TNPO1: variants seen among roughly 807,000 people sequenced by gnomAD.
TNPO1 encodes the protein transportin-1.
In TNPO1, 8 loss-of-function variants were observed where a neutral mutation model predicts 119.5. The ratio of observed to expected loss-of-function variants is 0.07; its 90% confidence interval spans 0.04 to 0.12. The LOEUF is 0.12. Ranked by LOEUF, TNPO1 falls within the 10% of genes least tolerant of loss-of-function variation. The probability of loss-of-function intolerance (pLI) is 1.00; values close to 1 mark genes in which losing one functional copy is unlikely to be tolerated. For synonymous variants in TNPO1, 362 were observed against 363.0 expected, an observed-to-expected ratio of 1.00 and a Z score of 0.03; for missense variants, 576 against 1,089.8, an observed-to-expected ratio of 0.53 and a Z score of 6.64.
chr5:72,905,212 T>TAA (rs150320545), intron 23 of TNPO1, 91 bp from the exon 24 acceptor site: 155 of 944,012 alleles, frequency 1.6e-4, no homozygotes, highest in African/African-American at 7.2e-4. Flanking sequence ...ATAAAATTTA[T>TAA]AAAAAAATCA....
rs1184844796 is a variant in TNPO1 at position 72,816,671 on chromosome 5, C to T, written c.-67C>T. The T allele has an allele frequency of 1.3e-6, 2 of 1,496,390 alleles. No individual in the cohort carries two copies. The highest frequency in any genetic ancestry group is 2.5e-5 in the South Asian group (2 of 79,028). The allele number at this position is 1,496,390 out of a possible 1,614,324, so 92.7% of individuals were successfully genotyped here. On this transcript the variant is annotated 5_prime_UTR_variant, in exon 1 of 25. Transcript: ENST00000337273. ...GCCCAGATTCTCTTTGTTCCGCAGC[C>T]ATTTCAGGCCCCGGACAGGAGGCAG...
chr5:72,907,992 T>G (rs1750291052), intron 24 of TNPO1, among the ~76,000 whole-genome samples: 1 of 152,134 alleles, frequency 6.6e-6, no homozygotes, highest in South Asian at 2.1e-4. Flanking sequence ...GGTTGGGGCT[T>G]CAGTGAGCCA....
In TNPO1 at chr5:72,909,141, A is replaced by AT. The variant is rs1750383130; in HGVS notation, c.*468_*469insT. The AT allele has an allele frequency of 6.5e-6, 1 of 152,834 alleles. No individual in the cohort carries two copies. The highest frequency in any genetic ancestry group is 1.5e-5 in the Non-Finnish European group (1 of 68,568). 9.5% of individuals were successfully genotyped at this position (152,834 alleles called of 1,614,324 possible). A position where few individuals can be genotyped will look rare whatever the true frequency, so the allele number is the denominator to read the frequency against. On this transcript the variant is annotated 3_prime_UTR_variant, in exon 25 of 25. Coordinates refer to ENST00000337273, the MANE Select transcript of TNPO1 (RefSeq NM_002270.4). ...GAAGCTTTTTTTTTTTTTTTAATTT[A>AT]AAGTTTTTTTATGTAAGTTTTCCCA...
chr5:72,816,827 G>C, intron 1 of TNPO1, 75 bp downstream of exon 1: 1 of 1,504,172 alleles, frequency 6.6e-7, no homozygotes, highest in South Asian at 1.2e-5. Context: ...GCTGCCTGAC[G>C]CGCCTACGGG....
chr5:72,888,413 A>T, intron 13 of TNPO1, 110 bp downstream of exon 13: 1 of 955,132 alleles, frequency 1.0e-6, no homozygotes, highest in Non-Finnish European at 1.5e-6. Flanking sequence ...CGTAATTGAA[A>T]ATTTTCCAGT....
chr5:72,903,542 G>A (rs981068053), intron 22 of TNPO1, among the ~76,000 whole-genome samples, 167 bp from the exon 23 acceptor site: 11 of 152,166 alleles, frequency 7.2e-5, no homozygotes, highest in African/African-American at 2.7e-4. Flanking sequence ...AATAGGGACA[G>A]CCATTAAGGT....
chr5:72,894,202 A>G (rs1749255686), intron 18 of TNPO1, among the ~76,000 whole-genome samples: 1 of 152,194 alleles, frequency 6.6e-6, no homozygotes, highest in South Asian at 2.1e-4. Context: ...CAGGCAGATC[A>G]CTTGAGGTCA....
chr5:72,902,136 T>C (rs1212132930), intron 22 of TNPO1, among the ~76,000 whole-genome samples: 4 of 152,016 alleles, frequency 2.6e-5, no homozygotes, highest in African/African-American at 9.7e-5. Flanking sequence ...TTTCCAGGAA[T>C]GCACACAAGA....
At chr5:72,866,072 T>G (rs1193261918) in intron 6 of TNPO1, among the ~76,000 whole-genome samples, 1 of 152,228 alleles carries the variant, frequency 6.6e-6, no homozygotes, top group Non-Finnish European at 1.5e-5. Flanking sequence ...GCTTTGATTT[T>G]AGAATCGGGA....
intron 6 of TNPO1, among the ~76,000 whole-genome samples, chr5:72,870,615 T>A (rs1475458386): frequency 6.6e-6 from 1 of 152,236 alleles, no homozygotes; most frequent in Non-Finnish European, 1.5e-5. Flanking sequence ...CCTTCATTGC[T>A]GATGTATAGA....
chr5:72,873,296 A>G (rs1747539489), intron 7 of TNPO1, among the ~76,000 whole-genome samples: 2 of 152,170 alleles, frequency 1.3e-5, no homozygotes, highest in African/African-American at 4.8e-5. Context: ...GCTACTTGAT[A>G]ACAATTAAAA....
intron 3 of TNPO1, among the ~76,000 whole-genome samples, chr5:72,853,936 G>T (rs569214136): frequency 6.6e-6 from 1 of 152,106 alleles, no homozygotes; most frequent in Non-Finnish European, 1.5e-5. Context: ...AAAGGAAATC[G>T]TTAGTCGTTG....
At chr5:72,830,734 C>A (rs755114734) in intron 1 of TNPO1, among the ~76,000 whole-genome samples, 2 of 152,076 alleles carry the variant, frequency 1.3e-5, no homozygotes, top group Non-Finnish European at 2.9e-5. Flanking sequence ...ATTGAGGTAT[C>A]GTTTCATGTG....
At chr5:72,894,906 T>C (rs748665345) in intron 18 of TNPO1, among the ~76,000 whole-genome samples, 6 of 152,198 alleles carry the variant, frequency 3.9e-5, no homozygotes, top group African/African-American at 4.8e-5. Flanking sequence ...TTGAAACTTA[T>C]ATGAAAGGAT....
intron 6 of TNPO1, among the ~76,000 whole-genome samples, chr5:72,868,735 C>CT (rs1336940372): frequency 3.3e-5 from 5 of 151,592 alleles, no homozygotes; most frequent in Non-Finnish European, 7.4e-5. Context: ...AGGCTTTTTT[C>CT]TTTTTTTAAC....
intron 13 of TNPO1, among the ~76,000 whole-genome samples, chr5:72,888,676 T>C (rs150555083): frequency 2.6e-3 from 395 of 152,316 alleles, no homozygotes; most frequent in African/African-American, 9.0e-3. Flanking sequence ...CCCTCAGACA[T>C]CTGAACTAGT....
intron 19 of TNPO1, 48 bp downstream of exon 19, chr5:72,896,604 T>C (rs1375518254): frequency 1.4e-6 from 2 of 1,476,636 alleles, no homozygotes; most frequent in Non-Finnish European, 1.9e-6. Flanking sequence ...GCGCGGTGGC[T>C]CACGCCTGTA....
chr5:72,861,039 A>C (rs1260437537), intron 4 of TNPO1, among the ~76,000 whole-genome samples: 1 of 151,666 alleles, frequency 6.6e-6, no homozygotes, highest in Non-Finnish European at 1.5e-5. Context: ...CAGCCTCCTG[A>C]GTAGCTGAGA....
chr5:72,897,570 C>T (rs1274940914), intron 20 of TNPO1, among the ~76,000 whole-genome samples: 4 of 150,184 alleles, frequency 2.7e-5, no homozygotes, highest in African/African-American at 9.8e-5. Context: ...GTTTGTATTT[C>T]ATCATATAAT....
Sources: gnomAD v4.1 joint callset for allele counts (sites outside exome capture counted in the v4.1 genomes callset) on GRCh38, gnomAD v4.1.1 for gene constraint, MANE v1.5 for transcripts, NCBI Gene and HGNC (gene_info 2026-07-23, HGNC 2026-07-21) for gene names.